Variants in RIMBP2 observed in about 807,000 individuals in gnomAD.
RIMBP2 encodes the protein RIMS-binding protein 2.
A neutral mutation model predicts 118.6 loss-of-function variants in RIMBP2; 48 were observed. The observed-to-expected ratio is 0.40, with a 90% CI of 0.32 to 0.51. RIMBP2 has a LOEUF of 0.51. Ranked by LOEUF, RIMBP2 falls within the 20% of genes least tolerant of loss-of-function variation. The probability of loss-of-function intolerance (pLI) is 0.41; values close to 1 mark genes in which losing one functional copy is unlikely to be tolerated. For missense variants in RIMBP2, 1,551 were observed against 1,768.3 expected (o/e 0.88, Z 2.20); for synonymous variants, 762 against 742.9 (o/e 1.03, Z -0.42).
chr12:130,546,117 T>TG (rs1555287426), intron 2 of RIMBP2, among the ~76,000 whole-genome samples: 2,773 of 147,920 alleles, frequency 0.019, 64 homozygotes, highest in African/African-American at 0.064. Context: ...TTTTTTTTTT[T>TG]GGGATGGAGT....
In RIMBP2 at chr12:130,404,764, A is replaced by G. The variant is rs1055350829; in HGVS notation, c.3765+1408T>C. Among the ~76,000 whole-genome samples, 10 of 152,238 alleles carry G rather than the reference A, an allele frequency of 6.6e-5. 1 individual carries two copies. The East Asian group carries it at 1.9e-3, about 29-fold the overall frequency. ...AAAGCTAAATGTACATCTAAACAAA[A>G]AAGTATAGGTTTGTTGTGGAGGTGG... On this transcript the variant is annotated intron_variant, in intron 21 of 22. Transcript: ENST00000690449.
At chr12:130,605,275 A>C (rs1175912968) in intron 2 of RIMBP2, among the ~76,000 whole-genome samples, 1 of 152,144 alleles carries the variant, frequency 6.6e-6, no homozygotes, top group East Asian at 1.9e-4. Context: ...TAAATCAAAG[A>C]ATTGAACTTT....
At chr12:130,702,560 G>A (rs1227467280) in intron 1 of RIMBP2, among the ~76,000 whole-genome samples, 2 of 86,138 alleles carry the variant, frequency 2.3e-5, no homozygotes, top group Non-Finnish European at 4.5e-5. Context: ...AGGAAGGAAG[G>A]AAGGAAGGAA....
chr12:130,686,530 C>T (rs1261036553), intron 1 of RIMBP2, among the ~76,000 whole-genome samples: 1 of 152,230 alleles, frequency 6.6e-6, no homozygotes, highest in African/African-American at 2.4e-5. Context: ...AAAGTAGAGG[C>T]TGATAAATTT....
intron 4 of RIMBP2, among the ~76,000 whole-genome samples, 176 bp downstream of exon 4, chr12:130,506,472 T>C (rs1300088737): frequency 6.6e-6 from 1 of 152,156 alleles, no homozygotes; most frequent in East Asian, 1.9e-4. Flanking sequence ...GGAATTTTGT[T>C]ATTTATTGCT....
chr12:130,520,371 C>T (rs2051953010), intron 2 of RIMBP2, among the ~76,000 whole-genome samples: 1 of 151,996 alleles, frequency 6.6e-6, no homozygotes, highest in South Asian at 2.1e-4. Flanking sequence ...ACTTCAGATA[C>T]CACTTACTAT....
rs111806180 is a variant in RIMBP2 at position 130,703,817 on chromosome 12, C to CAG, written c.-352+12403_-352+12404dup. Among the ~76,000 whole-genome samples, 4 of 142,068 alleles carry CAG rather than the reference C, an allele frequency of 2.8e-5. No individual in the cohort carries two copies. Among genetic ancestry groups the CAG allele is most frequent in the South Asian group, 4.3e-4 (2 of 4,598 alleles). The allele number at this position is 142,068 out of a possible 152,430, so 93.2% of individuals were successfully genotyped here. ...CCACAATTGAACAGCTTAGGAAATA[C>CAG]AGAGAGAGAGAGAGAGATCGATCTA... On this transcript the variant is annotated intron_variant, in intron 1 of 22. Transcript: ENST00000690449. This position sits in a 1 kb window ranked among gnomAD's most constrained non-coding sequence, Gnocchi z 5.7.
intron 15 of RIMBP2, chr12:130,425,815 C>T (rs2076747788): frequency 6.6e-6 from 1 of 152,296 alleles, no homozygotes; most frequent in African/African-American, 2.4e-5. Flanking sequence ...AGAGATGAGC[C>T]ACATGGGCAC....
At chr12:130,501,509 C>T (rs73152995) in intron 4 of RIMBP2, among the ~76,000 whole-genome samples, 11,621 of 152,254 alleles carry the variant, frequency 0.076, 567 homozygotes, top group East Asian at 0.17. Context: ...TGAGACGCAC[C>T]GCAGTGCCAT....
intron 1 of RIMBP2, among the ~76,000 whole-genome samples, chr12:130,652,009 T>G (rs1023155674): frequency 6.6e-6 from 1 of 152,258 alleles, no homozygotes; most frequent in Non-Finnish European, 1.5e-5. Context: ...GCTTTTCTCT[T>G]TATTTACTCT....
chr12:130,544,688 C>G (rs1217824959), intron 2 of RIMBP2, among the ~76,000 whole-genome samples: 1 of 130,380 alleles, frequency 7.7e-6, no homozygotes, highest in Non-Finnish European at 1.5e-5. Flanking sequence ...CAACCTTTGT[C>G]TCCCAGGTTG....
At chr12:130,521,344 G>A (rs370498822) in intron 2 of RIMBP2, among the ~76,000 whole-genome samples, 2 of 152,168 alleles carry the variant, frequency 1.3e-5, no homozygotes, top group African/African-American at 2.4e-5. Context: ...GCCTGGAATC[G>A]CAACACAACA....
intron 2 of RIMBP2, among the ~76,000 whole-genome samples, chr12:130,616,808 T>A (rs866529142): frequency 1.3e-5 from 2 of 152,176 alleles, no homozygotes; most frequent in Non-Finnish European, 2.9e-5. Context: ...AGCAAAGAGT[T>A]TGGCCAGCAC....
At chr12:130,432,736 C>T (rs557956464) in intron 14 of RIMBP2, among the ~76,000 whole-genome samples, 15 of 152,322 alleles carry the variant, frequency 9.8e-5, no homozygotes, top group African/African-American at 3.6e-4. Flanking sequence ...GCTGGTGCCT[C>T]GGCCCTGGAC....
chr12:130,620,133 T>C lies in RIMBP2; in HGVS notation c.-217+8189A>G, dbSNP rs1266582948. Among the ~76,000 whole-genome samples, 1 of 152,132 alleles carries C rather than the reference T, an allele frequency of 6.6e-6. No homozygotes were observed. The highest frequency in any genetic ancestry group is 2.4e-5 in the African/African-American group (1 of 41,438). The stretch of plus-strand genomic sequence containing the variant: ...CTGGCCAGAGCTTCCAGACTCTGCT[T>C]TGGAAGTGGTCTGCTGAGGGCAGTC... On this transcript the variant is annotated intron_variant, in intron 2 of 22. Transcript: ENST00000690449. The surrounding 1 kb of genome is among the most constrained non-coding windows in gnomAD (Gnocchi z 5.3).
chr12:130,521,644 C>T (rs919259217), intron 2 of RIMBP2, among the ~76,000 whole-genome samples: 1 of 152,218 alleles, frequency 6.6e-6, no homozygotes, highest in Admixed American at 6.5e-5. Flanking sequence ...TGTGATGCCT[C>T]ATGCCCCCTG....
intron 2 of RIMBP2, among the ~76,000 whole-genome samples, chr12:130,545,594 A>C (rs2055047613): frequency 6.6e-6 from 1 of 152,184 alleles, no homozygotes; most frequent in South Asian, 2.1e-4. Flanking sequence ...CTCACACTCA[A>C]GGCTGACATT....
At chr12:130,663,445 T>C (rs2063744080) in intron 1 of RIMBP2, among the ~76,000 whole-genome samples, 1 of 148,246 alleles carries the variant, frequency 6.7e-6, no homozygotes, top group Non-Finnish European at 1.5e-5. Context: ...TTCTTAAAAT[T>C]GCCTTTTTTT....
At chr12:130,512,562 A>G (rs1446453810) in intron 3 of RIMBP2, among the ~76,000 whole-genome samples, 2 of 152,152 alleles carry the variant, frequency 1.3e-5, no homozygotes, top group Non-Finnish European at 2.9e-5. Context: ...ACCTCAGGTG[A>G]TCCACCCGCC....
Sources: allele counts gnomAD v4.1 joint callset (sites outside exome capture counted in the v4.1 genomes callset), GRCh38; gene constraint gnomAD v4.1.1; non-coding constraint Gnocchi (gnomAD v3.1); transcripts MANE v1.5; gene names NCBI Gene and HGNC (gene_info 2026-07-23, HGNC 2026-07-21).